The following ALPL variants were observed in gnomAD, a reference collection of about 807,000 sequenced individuals.
ALPL encodes the protein alkaline phosphatase, biomineralization associated, also known as alkaline phosphatase, tissue-nonspecific isozyme.
A neutral mutation model predicts 51.3 loss-of-function variants in ALPL; 42 were observed. The observed-to-expected ratio is 0.82, with a 90% CI of 0.64 to 1.06. ALPL has a LOEUF of 1.06. ALPL is among the 50% of genes least tolerant of loss of function. The pLI is 0.00. For synonymous variants in ALPL, 279 were observed against 296.4 expected, an observed-to-expected ratio of 0.94 and a Z score of 0.60; for missense variants, 589 against 709.4, an observed-to-expected ratio of 0.83 and a Z score of 1.93.
chr1:21,556,098 T>G (rs1344057143), intron 2 of ALPL, among the ~76,000 whole-genome samples: 1 of 152,082 alleles, frequency 6.6e-6, no homozygotes, highest in Non-Finnish European at 1.5e-5. Context: ...CTGTTGGAGA[T>G]TCACGCGGAA....
At chr1:21,567,054 C>T (rs1644575441) in intron 6 of ALPL, among the ~76,000 whole-genome samples, 4 of 152,202 alleles carry the variant, frequency 2.6e-5, no homozygotes. Context: ...GCACCTTTCC[C>T]ACCTCTCCAG....
In ALPL at chr1:21,560,652, C is replaced by T. The variant is rs1057516334; in HGVS notation, c.88C>T (p.Arg30Ter). The change falls in exon 3 of 12, where the codon CGA (arginine) becomes TGA (stop). Residue 30 changes from arginine to a stop codon, truncating the protein, a stop_gained. Coordinates refer to ENST00000374840, the MANE Select transcript of ALPL (RefSeq NM_000478.6). LOFTEE classifies it high-confidence loss of function. ...PEKEKDPKYW[R>*]DQAQETLKYA... ...GAAAGAGAAAGACCCCAAGTACTGGCGAGACCAAGCGCAAGAGACACTGAA... is the reference window on the plus strand; with the variant it reads ...GAAAGAGAAAGACCCCAAGTACTGGTGAGACCAAGCGCAAGAGACACTGAA... The T allele has an allele frequency of 5.6e-6, 9 of 1,613,986 alleles. No homozygotes were observed. Among genetic ancestry groups the T allele is most frequent in the African/African-American group, 1.3e-5 (1 of 74,898 alleles).
intron 1 of ALPL, among the ~76,000 whole-genome samples, chr1:21,542,625 T>C (rs1644201580): frequency 6.6e-6 from 1 of 152,158 alleles, no homozygotes; most frequent in South Asian, 2.1e-4. Context: ...GCGGATCACG[T>C]GAGGCCAGGA....
In ALPL at chr1:21,531,780, G is replaced by C. The variant is rs908285405; in HGVS notation, c.-104-22198G>C. On this transcript the variant is annotated intron_variant, in intron 1 of 11. Transcript: ENST00000374840. Reference sequence around the variant, plus strand: ...CAGGACAGTGGGTGTGTGTATGGGGGCCTGGGCTTGGAACAGAGAGGCAAG... The same window carrying C: ...CAGGACAGTGGGTGTGTGTATGGGGCCCTGGGCTTGGAACAGAGAGGCAAG... Among the ~76,000 whole-genome samples, 4 of 152,272 alleles carry C rather than the reference G, an allele frequency of 2.6e-5. No individual in the cohort carries two copies. In the South Asian group the frequency reaches 8.3e-4, roughly 32 times the overall value.
rs1445837125 is a variant in ALPL at position 21,538,881 on chromosome 1, CATT to C, written c.-104-15096_-104-15094del. ...GAAGAGACTTGGACCCTAGATGTGA[CATT>C]CTCTTGCTGTGTGACCTCTGGCAAG... On this transcript the variant is annotated intron_variant, in intron 1 of 11. Coordinates refer to ENST00000374840, the MANE Select transcript of ALPL (RefSeq NM_000478.6). 2.0e-5 allele frequency among the ~76,000 whole-genome samples: 3 copies of C among 152,214 alleles called. No homozygotes were observed. In the East Asian group the frequency reaches 5.8e-4, roughly 29 times the overall value.
intron 1 of ALPL, among the ~76,000 whole-genome samples, chr1:21,510,923 C>G (rs1643674135): frequency 6.6e-6 from 1 of 152,212 alleles, no homozygotes; most frequent in Non-Finnish European, 1.5e-5. Context: ...CCCCTGGACA[C>G]AGCTTCTCAA....
chr1:21,512,601 G>C (rs1162364286), intron 1 of ALPL, among the ~76,000 whole-genome samples: 2 of 152,114 alleles, frequency 1.3e-5, no homozygotes, highest in African/African-American at 4.8e-5. Flanking sequence ...CGCCAGCTGT[G>C]TGACCTGAGG....
At chr1:21,544,508 C>T (rs947612847) in intron 1 of ALPL, among the ~76,000 whole-genome samples, 2 of 152,118 alleles carry the variant, frequency 1.3e-5, no homozygotes, top group Admixed American at 1.3e-4. Flanking sequence ...TTTGGGAGGC[C>T]GAGGCATGTG....
At chr1:21,556,822 C>T (rs920878957) in intron 2 of ALPL, among the ~76,000 whole-genome samples, 2 of 152,170 alleles carry the variant, frequency 1.3e-5, no homozygotes, top group East Asian at 3.9e-4. Context: ...TCCTGTAATG[C>T]CAGCTACTTG....
intron 1 of ALPL, among the ~76,000 whole-genome samples, chr1:21,523,724 C>T (rs556905260): frequency 2.0e-5 from 3 of 152,278 alleles, no homozygotes; most frequent in African/African-American, 7.2e-5. Context: ...CAACCACCCT[C>T]CAACATGGGG....
chr1:21,568,440 A>T (rs1348920859), intron 7 of ALPL, among the ~76,000 whole-genome samples, 193 bp downstream of exon 7: 1 of 152,072 alleles, frequency 6.6e-6, no homozygotes, highest in Non-Finnish European at 1.5e-5. Context: ...CTTGGAGGGG[A>T]TACCAGAGAG....
At chr1:21,571,984 C>T (rs1437276426) in intron 8 of ALPL, among the ~76,000 whole-genome samples, 1 of 151,790 alleles carries the variant, frequency 6.6e-6, no homozygotes, top group Non-Finnish European at 1.5e-5. Flanking sequence ...CAGAGCAAGA[C>T]CCTATCTTAA....
At chr1:21,535,055 C>T (rs1644079884) in intron 1 of ALPL, among the ~76,000 whole-genome samples, 1 of 152,194 alleles carries the variant, frequency 6.6e-6, no homozygotes, top group South Asian at 2.1e-4. Flanking sequence ...ATGTTCAGCA[C>T]CTAGAACAGC....
At chr1:21,565,837 AAAAGAAAGAAGAG>A (rs1570280230) in intron 6 of ALPL, among the ~76,000 whole-genome samples, 2 of 151,342 alleles carry the variant, frequency 1.3e-5, no homozygotes, top group South Asian at 4.1e-4. Context: ...TTAAAAAAAA[AAAAGAAAGAAGAG>A]AAAGAAAGAA....
chr1:21,524,064 C>T (rs1322701504), intron 1 of ALPL, among the ~76,000 whole-genome samples: 1 of 130,570 alleles, frequency 7.7e-6, no homozygotes, highest in African/African-American at 3.0e-5. Context: ...AGTGCAGTGG[C>T]GTGATCTCGG....
At chr1:21,565,893 C>T (rs943649121) in intron 6 of ALPL, among the ~76,000 whole-genome samples, 6 of 151,982 alleles carry the variant, frequency 3.9e-5, no homozygotes, top group Non-Finnish European at 8.8e-5. Flanking sequence ...CAAAGCCAAA[C>T]AGCAAGTCTG....
chr1:21,519,789 T>A (rs1372049490), intron 1 of ALPL, among the ~76,000 whole-genome samples: 1 of 152,162 alleles, frequency 6.6e-6, no homozygotes, highest in Non-Finnish European at 1.5e-5. Context: ...AGAGTGAGAC[T>A]GCATTTCAAG....
At chr1:21,523,999 C>CTTTTTTTTT (rs10571494) in intron 1 of ALPL, among the ~76,000 whole-genome samples, 1 of 94,548 alleles carries the variant, frequency 1.1e-5, no homozygotes, top group African/African-American at 4.1e-5. Flanking sequence ...CAAATCTCTG[C>CTTTTTTTTT]TTTTTTTTTT....
intron 1 of ALPL, among the ~76,000 whole-genome samples, chr1:21,518,488 C>G (rs1166102117): frequency 3.3e-5 from 5 of 151,988 alleles, no homozygotes; most frequent in Non-Finnish European, 5.9e-5. Flanking sequence ...CTGTCAAACC[C>G]CGAATAAATA....
Sources: allele counts gnomAD v4.1 joint callset (sites outside exome capture counted in the v4.1 genomes callset), GRCh38; gene constraint gnomAD v4.1.1; transcripts MANE v1.5; gene names NCBI Gene and HGNC (gene_info 2026-07-23, HGNC 2026-07-21).